LRMDA: variants seen among roughly 807,000 people sequenced by gnomAD.
The protein encoded by LRMDA is leucine-rich melanocyte differentiation-associated protein.
In LRMDA, 18 loss-of-function variants were observed where a neutral mutation model predicts 29.8. The observed-to-expected ratio is 0.60, with a 90% CI of 0.42 to 0.90. The LOEUF (loss-of-function observed/expected upper bound fraction) is 0.90. Ranked by LOEUF, LRMDA falls within the 40% of genes least tolerant of loss-of-function variation. The pLI, the probability that LRMDA is intolerant of heterozygous loss-of-function variation, is 0.00. For missense variants in LRMDA, 273 were observed against 273.9 expected (o/e 1.00, Z 0.02); for synonymous variants, 125 against 109.4 (o/e 1.14, Z -0.89).
Position 75,901,147 on chromosome 10 carries a change from C to A in LRMDA, c.132-134861C>A, listed in dbSNP as rs142672589. 4.9e-4 allele frequency among the ~76,000 whole-genome samples: 74 copies of A among 152,264 alleles called. No individual in the cohort carries two copies. In the Middle Eastern group the frequency reaches 0.024, roughly 49 times the overall value. On this transcript the variant is annotated intron_variant, in intron 2 of 6. Coordinates refer to ENST00000611255, the MANE Select transcript of LRMDA (RefSeq NM_001305581.2). ...GGAAGAAGAGGAAGAGAGATTGTTT[C>A]TATCTCTGTGTGAGTCACCTTGAAC...
chr10:75,921,027 T>C (rs1335987417), intron 2 of LRMDA, among the ~76,000 whole-genome samples: 1 of 152,168 alleles, frequency 6.6e-6, no homozygotes, highest in Non-Finnish European at 1.5e-5. Flanking sequence ...AAATTAATAA[T>C]GTAGGGAGAA....
intron 1 of LRMDA, among the ~76,000 whole-genome samples, chr10:75,436,679 C>T (rs542473022): frequency 1.6e-4 from 24 of 152,188 alleles, no homozygotes; most frequent in Admixed American, 1.2e-3. Context: ...CCATGTTAGT[C>T]AGGATGGTGT....
intron 5 of LRMDA, among the ~76,000 whole-genome samples, chr10:76,297,627 G>T (rs542005150): frequency 6.6e-6 from 1 of 152,132 alleles, no homozygotes; most frequent in African/African-American, 2.4e-5. Context: ...GTGTCTGGGG[G>T]CCTGTCGTTT....
At chr10:76,270,876 A>G in intron 5 of LRMDA, 1 of 152,238 alleles carries the variant, frequency 6.6e-6, no homozygotes, top group East Asian at 1.9e-4. Flanking sequence ...ACGCCATGAT[A>G]TACACTTAAG....
chr10:75,883,620 T>A (rs1845330855), intron 2 of LRMDA: 1 of 152,130 alleles, frequency 6.6e-6, no homozygotes, highest in Non-Finnish European at 1.5e-5. Flanking sequence ...TTGCTGGTAA[T>A]CAGAACTTTC....
Position 76,074,747 on chromosome 10 carries a change from T to C in LRMDA, c.516+15964T>C, listed in dbSNP as rs189353259. ...CTGGTGTCAGCCTGTCATTTTTTTT[T>C]CCTCCTAGGTGAAATTCATTGACCC... On this transcript the variant is annotated intron_variant, in intron 5 of 6. Coordinates refer to ENST00000611255, the MANE Select transcript of LRMDA (RefSeq NM_001305581.2). Among the ~76,000 whole-genome samples the C allele has an allele frequency of 2.3e-3, 351 of 152,296 alleles. 1 individual carries two copies. Among genetic ancestry groups the C allele is most frequent in the African/African-American group, 8.0e-3 (334 of 41,560 alleles).
intron 2 of LRMDA, among the ~76,000 whole-genome samples, chr10:75,602,795 TA>T (rs1045871056): frequency 6.6e-6 from 1 of 152,138 alleles, no homozygotes; most frequent in African/African-American, 2.4e-5. Context: ...CTTTATATAT[TA>T]AAAAAAGTTC....
intron 5 of LRMDA, among the ~76,000 whole-genome samples, chr10:76,087,957 AAAAC>A (rs1589321254): frequency 6.6e-6 from 1 of 152,108 alleles, no homozygotes; most frequent in African/African-American, 2.4e-5. Flanking sequence ...CTGTCTCTAC[AAAAC>A]AAACAAACAA....
intron 1 of LRMDA, among the ~76,000 whole-genome samples, chr10:75,436,073 AAGAG>A (rs10536787): frequency 4.6e-4 from 67 of 147,060 alleles, no homozygotes; most frequent in East Asian, 3.7e-3. Context: ...AAAAAAAAAA[AAGAG>A]AGAGAGAAAT....
rs1439079591 is a variant in LRMDA at position 75,596,904 on chromosome 10, G to C, written c.131+158410G>C. ...CATTCCTCCACAGTAAGTGGAATTG[G>C]TGGGGCTTGAATAGTAGAGATAAAG... On this transcript the variant is annotated intron_variant, in intron 2 of 6. Transcript: ENST00000611255. Among the ~76,000 whole-genome samples the C allele has an allele frequency of 2.6e-5, 4 of 151,820 alleles. No individual in the cohort carries two copies. In the East Asian group the frequency reaches 7.7e-4, roughly 29 times the overall value.
chr10:76,146,715 T>A (rs1850329669), intron 5 of LRMDA, among the ~76,000 whole-genome samples: 1 of 152,232 alleles, frequency 6.6e-6, no homozygotes. Flanking sequence ...TGTGTGAATT[T>A]GATCCTGTCA....
intron 2 of LRMDA, among the ~76,000 whole-genome samples, chr10:75,523,218 C>A (rs1458806599): frequency 6.6e-6 from 1 of 152,132 alleles, no homozygotes; most frequent in Non-Finnish European, 1.5e-5. Flanking sequence ...ACTGGCTCTC[C>A]CTGGGTGGAG....
At chr10:76,088,002 C>T (rs1161173237) in intron 5 of LRMDA, among the ~76,000 whole-genome samples, 1 of 152,112 alleles carries the variant, frequency 6.6e-6, no homozygotes, top group Non-Finnish European at 1.5e-5. Context: ...TACCTATAGT[C>T]CCAGCTACTT....
chr10:75,652,328 T>C (rs2132127607), intron 2 of LRMDA, among the ~76,000 whole-genome samples: 1 of 152,338 alleles, frequency 6.6e-6, no homozygotes, highest in Non-Finnish European at 1.5e-5. Context: ...TTAGTGACCT[T>C]TGGCAAATGG....
intron 2 of LRMDA, among the ~76,000 whole-genome samples, chr10:75,893,374 A>G (rs569178038): frequency 6.6e-6 from 1 of 152,330 alleles, no homozygotes; most frequent in Admixed American, 6.5e-5. Context: ...AGAGCAGGGA[A>G]TGACATTGGC....
intron 5 of LRMDA, among the ~76,000 whole-genome samples, chr10:76,066,132 G>A (rs1009434727): frequency 1.3e-5 from 2 of 152,196 alleles, no homozygotes; most frequent in Admixed American, 6.5e-5. Flanking sequence ...TTGAACCAGG[G>A]TCTTAACTGG....
At chr10:75,835,860 G>A (rs1844425560) in intron 2 of LRMDA, among the ~76,000 whole-genome samples, 1 of 152,180 alleles carries the variant, frequency 6.6e-6, no homozygotes, top group African/African-American at 2.4e-5. Flanking sequence ...ACAGTTTAGA[G>A]TGAATTAGCC....
At chr10:75,796,919 G>C (rs1249933925) in intron 2 of LRMDA, among the ~76,000 whole-genome samples, 1 of 152,190 alleles carries the variant, frequency 6.6e-6, no homozygotes, top group African/African-American at 2.4e-5. Flanking sequence ...ATAAAAAATT[G>C]TGGTAATTTT....
chr10:76,315,436 C>T (rs1840680895), intron 5 of LRMDA, among the ~76,000 whole-genome samples: 1 of 152,184 alleles, frequency 6.6e-6, no homozygotes, highest in Non-Finnish European at 1.5e-5. Flanking sequence ...CCTGCTCCTG[C>T]TCCCGGGCCT....
Sources: gnomAD v4.1 joint callset for allele counts (sites outside exome capture counted in the v4.1 genomes callset) on GRCh38, gnomAD v4.1.1 for gene constraint, MANE v1.5 for transcripts, NCBI Gene and HGNC (gene_info 2026-07-23, HGNC 2026-07-21) for gene names.